Variants in CNTNAP5 observed in about 807,000 individuals in gnomAD.
CNTNAP5 encodes contactin-associated protein-like 5.
A neutral mutation model predicts 150.2 loss-of-function variants in CNTNAP5; 72 were observed. That is an observed-to-expected ratio of 0.48 (90% CI 0.40 to 0.58). CNTNAP5 has a LOEUF of 0.58. Among genes scored for constraint, CNTNAP5 ranks in the 20% least tolerant of loss-of-function variants. The pLI, the probability that CNTNAP5 is intolerant of heterozygous loss-of-function variation, is 0.00. For missense variants in CNTNAP5, 1,636 were observed against 1,626.2 expected (o/e 1.01, Z -0.10); for synonymous variants, 672 against 619.8 (o/e 1.08, Z -1.25).
intron 3 of CNTNAP5, among the ~76,000 whole-genome samples, chr2:124,408,772 CA>C (rs1266883065): frequency 6.6e-6 from 1 of 151,592 alleles, no homozygotes; most frequent in Non-Finnish European, 1.5e-5. Context: ...TAGATAAAAC[CA>C]CAAAGATGGG....
At chr2:124,581,533 A>G (rs1335684319) in intron 11 of CNTNAP5, among the ~76,000 whole-genome samples, 3 of 152,224 alleles carry the variant, frequency 2.0e-5, no homozygotes, top group South Asian at 2.1e-4. Context: ...GAATATTGGT[A>G]AAGGTTAGAC....
chr2:124,213,083 C>A (rs1330440216), intron 1 of CNTNAP5, among the ~76,000 whole-genome samples: 1 of 152,106 alleles, frequency 6.6e-6, no homozygotes, highest in Non-Finnish European at 1.5e-5. Flanking sequence ...CGTGATCCGC[C>A]TGCCTTGGCC....
intron 11 of CNTNAP5, among the ~76,000 whole-genome samples, chr2:124,571,397 G>A (rs1206054821): frequency 3.3e-5 from 5 of 151,806 alleles, no homozygotes; most frequent in Non-Finnish European, 7.4e-5. Context: ...AGGAATGATA[G>A]CCAAAACATA....
intron 1 of CNTNAP5, among the ~76,000 whole-genome samples, chr2:124,132,744 G>A (rs1683884193): frequency 6.6e-6 from 1 of 152,114 alleles, no homozygotes; most frequent in South Asian, 2.1e-4. Flanking sequence ...CCTGCCAATT[G>A]GAGATATAAT....
chr2:124,761,814 CCT>C (rs1680961221), intron 14 of CNTNAP5, among the ~76,000 whole-genome samples: 1 of 151,984 alleles, frequency 6.6e-6, no homozygotes, highest in Non-Finnish European at 1.5e-5. Context: ...CAATTTCTTT[CCT>C]CTGTTATTTG....
chr2:124,194,399 ATATATATATATAAATAT>A (rs200386866), intron 1 of CNTNAP5, among the ~76,000 whole-genome samples: 14,416 of 46,632 alleles, frequency 0.31, 1,012 homozygotes, highest in East Asian at 0.41. Context: ...ATATATATAT[ATATATATATATAAATAT>A]AAATAGGTGT....
At chr2:124,064,404 C>G (rs139434420) in intron 1 of CNTNAP5, among the ~76,000 whole-genome samples, 272 of 152,178 alleles carry the variant, frequency 1.8e-3, no homozygotes, top group Non-Finnish European at 2.9e-3. Context: ...CATGTCTAAT[C>G]AATCCCCAAT....
intron 6 of CNTNAP5, among the ~76,000 whole-genome samples, chr2:124,455,205 C>T (rs547730989): frequency 1.2e-4 from 18 of 151,384 alleles, no homozygotes; most frequent in Middle Eastern, 3.4e-3. Context: ...CTATTAGAAA[C>T]GAAATGAGAG....
intron 13 of CNTNAP5, among the ~76,000 whole-genome samples, chr2:124,736,431 C>T (rs1680383535): frequency 6.6e-6 from 1 of 152,110 alleles, no homozygotes; most frequent in Admixed American, 6.6e-5. Flanking sequence ...TTGTGAAGAA[C>T]TTGATGGCAG....
chr2:124,418,389 T>C (rs895836918), intron 4 of CNTNAP5, among the ~76,000 whole-genome samples: 4 of 152,194 alleles, frequency 2.6e-5, no homozygotes, highest in Non-Finnish European at 4.4e-5. Context: ...AATGAGTACA[T>C]GTCTGTACTG....
intron 13 of CNTNAP5, among the ~76,000 whole-genome samples, chr2:124,712,073 A>G (rs530715977): frequency 2.6e-5 from 4 of 152,298 alleles, no homozygotes; most frequent in Admixed American, 2.6e-4. Context: ...CTTATTGGCC[A>G]GGAGTGTGTG....
At chr2:124,896,349 C>G (rs900856169) in intron 21 of CNTNAP5, among the ~76,000 whole-genome samples, 1 of 151,358 alleles carries the variant, frequency 6.6e-6, no homozygotes, top group Non-Finnish European at 1.5e-5. Flanking sequence ...TTTATTTTTT[C>G]ATTCACTAAT....
chr2:124,295,234 T>C (rs1688393330), intron 3 of CNTNAP5, among the ~76,000 whole-genome samples: 1 of 126,414 alleles, frequency 7.9e-6, no homozygotes, highest in African/African-American at 3.0e-5. Flanking sequence ...TTTGCATAAC[T>C]GTGAAGATCA....
chr2:124,179,935 C>G (rs970155758), intron 1 of CNTNAP5, among the ~76,000 whole-genome samples: 1 of 152,052 alleles, frequency 6.6e-6, no homozygotes, highest in African/African-American at 2.4e-5. Context: ...TCCATCAAAA[C>G]CAGGGAGAGC....
rs80287063 is a variant in CNTNAP5 at position 124,910,434 on chromosome 2, G to A, written c.3656-1033G>A. On this transcript the variant is annotated intron_variant, in intron 22 of 23. Coordinates refer to ENST00000682447, the MANE Select transcript of CNTNAP5 (RefSeq NM_001367498.1). ...TATAATTCTTACAAAACCTTTTAAG[G>A]CAAAGACTATCATTTTTACCATTTG... 7.1e-4 allele frequency among the ~76,000 whole-genome samples: 108 copies of A among 152,136 alleles called. 2 individuals are homozygous for A. The highest frequency in any genetic ancestry group is 6.6e-3 in the Admixed American group (100 of 15,258).
At chr2:124,496,210 G>C (rs966188703) in intron 7 of CNTNAP5, among the ~76,000 whole-genome samples, 2 of 152,148 alleles carry the variant, frequency 1.3e-5, no homozygotes, top group East Asian at 3.9e-4. Flanking sequence ...GCCTTGATTT[G>C]ATTCCCGAGT....
intron 13 of CNTNAP5, among the ~76,000 whole-genome samples, chr2:124,689,566 T>C (rs1002780934): frequency 1.3e-5 from 2 of 152,086 alleles, no homozygotes; most frequent in African/African-American, 4.8e-5. Context: ...TGTGTGCACG[T>C]GTGTGGATAT....
chr2:124,335,811 G>A (rs11680720), intron 3 of CNTNAP5, among the ~76,000 whole-genome samples: 8,217 of 152,000 alleles, frequency 0.054, 330 homozygotes, highest in East Asian at 0.22. Context: ...CACGATGATT[G>A]TGGTATACTG....
chr2:124,432,417 A>C (rs1161462988), intron 4 of CNTNAP5, among the ~76,000 whole-genome samples: 1 of 152,084 alleles, frequency 6.6e-6, no homozygotes, highest in Non-Finnish European at 1.5e-5. Context: ...TAACTCCTAC[A>C]TATTGTTAAA....
Sources: allele counts gnomAD v4.1 joint callset (sites outside exome capture counted in the v4.1 genomes callset), GRCh38; gene constraint gnomAD v4.1.1; transcripts MANE v1.5; gene names NCBI Gene and HGNC (gene_info 2026-07-23, HGNC 2026-07-21).